The following SLC22A11 variants were observed in gnomAD, a reference collection of about 807,000 sequenced individuals.
The protein encoded by SLC22A11 is solute carrier family 22 member 11.
Under a neutral mutation model 49.4 loss-of-function variants are expected in SLC22A11, and 42 were observed. The ratio of observed to expected loss-of-function variants is 0.85; its 90% confidence interval spans 0.66 to 1.10. SLC22A11 has a LOEUF of 1.10. SLC22A11 is among the 50% of genes least tolerant of loss of function. The pLI, the probability that SLC22A11 is intolerant of heterozygous loss-of-function variation, is 0.00. For missense variants in SLC22A11, 685 were observed against 731.6 expected (o/e 0.94, Z 0.74); for synonymous variants, 304 against 315.8 (o/e 0.96, Z 0.40).
rs200367926 is a variant in SLC22A11, at chr11:64,556,224, G to A, written c.225G>A (p.Pro75=). The A allele has an allele frequency of 9.9e-6, 16 of 1,613,926 alleles. No individual in the cohort carries two copies. The highest frequency in any genetic ancestry group is 1.6e-4 in the Middle Eastern group (1 of 6,062). ...TPKALLTISI[P]PGPNQGPHQC... is the part of the protein sequence containing the mutation. ...AGGCCCTTCTGACCATCTCCATCCCGCCAGGCCCCAACCAGGGGCCCCACC... is the reference window on the plus strand; with the variant it reads ...AGGCCCTTCTGACCATCTCCATCCCACCAGGCCCCAACCAGGGGCCCCACC... Residue 75 remains proline (P), a synonymous_variant, in exon 1 of 10, where the codon CCG becomes CCA. Coordinates refer to ENST00000301891, the MANE Select transcript of SLC22A11 (RefSeq NM_018484.4).
intron 9 of SLC22A11, among the ~76,000 whole-genome samples, chr11:64,570,646 C>A (rs1442817158): frequency 6.6e-6 from 1 of 152,108 alleles, no homozygotes; most frequent in African/African-American, 2.4e-5. Context: ...TGTTTTATGT[C>A]ACCTTATTTA....
chr11:64,559,009 C>G lies in SLC22A11; in HGVS notation c.394-126C>G, dbSNP rs555962592. 3.8e-5 allele frequency: 30 copies of G among 783,054 alleles called. No individual in the cohort carries two copies. The African/African-American group carries it at 4.8e-4, about 12-fold the overall frequency. The allele number at this position is 783,054 out of a possible 1,614,324, so 48.5% of individuals were successfully genotyped here. A position where few individuals can be genotyped will look rare whatever the true frequency, so the allele number is the denominator to read the frequency against. On this transcript the variant is annotated intron_variant, in intron 1 of 9. Transcript: ENST00000301891. ...GTTGCAGCCCCATGGCCAGCAGGTC[C>G]TCTCTACCTCTGTGACCTGGCACTG...
chr11:64,556,491 C>T (rs1400121008), intron 1 of SLC22A11, 99 bp downstream of exon 1: 7 of 1,498,344 alleles, frequency 4.7e-6, no homozygotes, highest in Admixed American at 4.0e-5. Context: ...GGGAGGGACC[C>T]GCCTCCTCTC....
intron 1 of SLC22A11, among the ~76,000 whole-genome samples, chr11:64,558,584 G>A (rs1318586026): frequency 2.6e-5 from 4 of 152,194 alleles, no homozygotes; most frequent in African/African-American, 7.2e-5. Context: ...ACCAGATCAC[G>A]ACTCCGTGAC....
chr11:64,558,277 T>C (rs542418111), intron 1 of SLC22A11, among the ~76,000 whole-genome samples: 16 of 152,280 alleles, frequency 1.1e-4, no homozygotes, highest in Non-Finnish European at 2.2e-4. Context: ...GTCATCCTCA[T>C]TGGAGGGTTT....
intron 1 of SLC22A11, among the ~76,000 whole-genome samples, chr11:64,558,430 C>G (rs1316668624): frequency 6.6e-6 from 1 of 152,136 alleles, no homozygotes; most frequent in Non-Finnish European, 1.5e-5. Context: ...GTGGAGGGAG[C>G]TGCCGGGCCT....
chr11:64,567,879 G>T, intron 7 of SLC22A11, 66 bp downstream of exon 7: 1 of 1,490,644 alleles, frequency 6.7e-7, no homozygotes, highest in Non-Finnish European at 9.0e-7. Flanking sequence ...TGCTCTGAGC[G>T]TGGGGCCACA....
intron 4 of SLC22A11, among the ~76,000 whole-genome samples, chr11:64,563,280 A>G (rs1183309521): frequency 6.6e-6 from 1 of 152,130 alleles, no homozygotes; most frequent in Non-Finnish European, 1.5e-5. Context: ...CACACCTTCT[A>G]ATAAGTAAGA....
intron 2 of SLC22A11, among the ~76,000 whole-genome samples, chr11:64,560,411 T>C (rs2038527332): frequency 6.6e-6 from 1 of 152,024 alleles, no homozygotes; most frequent in Admixed American, 6.5e-5. Flanking sequence ...GGACAGTCCC[T>C]TCCTGCCTAC....
chr11:64,564,076 G>A lies in SLC22A11; in HGVS notation c.822-232G>A, dbSNP rs1309238503. Among the ~76,000 whole-genome samples the A allele has an allele frequency of 1.3e-5, 2 of 152,180 alleles. No homozygotes were observed. Among genetic ancestry groups the A allele is most frequent in the Admixed American group, 1.3e-4 (2 of 15,286 alleles). The stretch of plus-strand genomic sequence containing the variant: ...GTGGGCAGGCCCCGGGCAGCCAGGC[G>A]AGCCAGATGGAGGTGGCTCGCTTGG... On this transcript the variant is annotated intron_variant, in intron 4 of 9. Coordinates refer to ENST00000301891, the MANE Select transcript of SLC22A11 (RefSeq NM_018484.4). This position sits in a 1 kb window ranked among gnomAD's most constrained non-coding sequence, Gnocchi z 4.2.
Position 64,556,094 on chromosome 11 carries a change from C to T in SLC22A11, c.95C>T (p.Pro32Leu). 6.2e-7 allele frequency: 1 copy of T among 1,614,146 alleles called. No homozygotes were observed. Among genetic ancestry groups the T allele is most frequent in the Non-Finnish European group, 8.5e-7 (1 of 1,180,024 alleles). Residue 32 changes from proline (P) to leucine (L), a missense_variant, in exon 1 of 10, where the codon CCT (proline) becomes CTT (leucine). By Grantham distance (98) the Pro-to-Leu change is moderately conservative. Coordinates refer to ENST00000301891, the MANE Select transcript of SLC22A11 (RefSeq NM_018484.4). ...LTFILPCLMI[P>L]SQMLLENFSA... ...TTCATCCTCCCCTGCCTCATGATAC[C>T]TTCCCAGATGCTCCTGGAGAACTTC...
chr11:64,567,729 A>C lies in SLC22A11; in HGVS notation c.1189A>C (p.Ser397Arg), dbSNP rs1320373958. Residue 397 changes from serine (S) to arginine (R), a missense_variant, in exon 7 of 10, where the codon AGT becomes CGT. Physicochemically the swap from Ser to Arg is moderately radical, Grantham distance 110 (BLOSUM62 -1). Coordinates refer to ENST00000301891, the MANE Select transcript of SLC22A11 (RefSeq NM_018484.4). ...CCGGGCCACCACTGCCCTCTTGCTCAGTTTCCTTGGCCGCCGCACCATCCA... is the reference window on the plus strand; with the variant it reads ...CCGGGCCACCACTGCCCTCTTGCTCCGTTTCCTTGGCCGCCGCACCATCCA... ...LGRATTALLLSFLGRRTIQAG... is the reference protein window; with the variant it reads ...LGRATTALLLRFLGRRTIQAG... The C allele has an allele frequency of 1.2e-6, 2 of 1,613,482 alleles. No homozygotes were observed. Among genetic ancestry groups the C allele is most frequent in the Non-Finnish European group, 8.5e-7 (1 of 1,179,936 alleles).
At chr11:64,556,467 C>T in intron 1 of SLC22A11, 75 bp downstream of exon 1, 6 of 1,556,724 alleles carry the variant, frequency 3.9e-6, no homozygotes, top group Non-Finnish European at 4.3e-6. Flanking sequence ...GGTTGGACTC[C>T]AAGGTCCAGT....
chr11:64,567,448 AG>A (rs2038640691), intron 6 of SLC22A11, 150 bp from the exon 7 acceptor site: 1 of 721,686 alleles, frequency 1.4e-6, no homozygotes, highest in Non-Finnish European at 2.4e-6. Context: ...TGAGTTTGGC[AG>A]GCTTCTGGGA....
Position 64,571,120 on chromosome 11 carries a change from G to A in SLC22A11, c.*78G>A. 1 of 1,502,024 alleles carries A rather than the reference G, an allele frequency of 6.7e-7. No homozygotes were observed. Among genetic ancestry groups the A allele is most frequent in the Admixed American group, 1.7e-5 (1 of 58,926 alleles). The allele number at this position is 1,502,024 out of a possible 1,614,324, so 93.0% of individuals were successfully genotyped here. On this transcript the variant is annotated 3_prime_UTR_variant, in exon 10 of 10. Coordinates refer to ENST00000301891, the MANE Select transcript of SLC22A11 (RefSeq NM_018484.4). ...CCTCTTCTCCAATCAGAGCGTGGAG[G>A]CGAGTTGGGCGACTTCAAGGGCCTG...
chr11:64,561,963 G>T, intron 2 of SLC22A11, 41 bp from the exon 3 acceptor site: 1 of 1,576,192 alleles, frequency 6.3e-7, no homozygotes, highest in South Asian at 1.2e-5. Flanking sequence ...ACGTCCTCAG[G>T]GGCCCCTCTC....
intron 9 of SLC22A11, among the ~76,000 whole-genome samples, 158 bp downstream of exon 9, chr11:64,570,016 A>C (rs1181691778): frequency 6.6e-6 from 1 of 152,234 alleles, no homozygotes; most frequent in Non-Finnish European, 1.5e-5. Context: ...ATGTATTATT[A>C]CTATCCCCAT....
rs946785050 is a variant in SLC22A11, at chr11:64,562,094, C to G, written c.588C>G (p.Tyr196Ter). The G allele has an allele frequency of 1.2e-6, 2 of 1,613,830 alleles. No homozygotes were observed. Among genetic ancestry groups the G allele is most frequent in the Non-Finnish European group, 1.7e-6 (2 of 1,180,044 alleles). Residue 196 changes from tyrosine (Y) to a stop codon, truncating the protein, a stop_gained, in exon 3 of 10, where the codon TAC becomes TAG. Coordinates refer to ENST00000301891, the MANE Select transcript of SLC22A11 (RefSeq NM_018484.4). LOFTEE classifies it high-confidence loss of function. This position sits in a 1 kb window ranked among gnomAD's most constrained non-coding sequence, Gnocchi z 4.4. ...STIFAPTFVIYCGLRFVAAFG... is the reference protein window; with the variant it reads ...STIFAPTFVI ...TCTTCGCCCCAACATTCGTCATCTA[C>G]TGCGGCCTGCGGTTCGTGGCCGCTT...
intron 6 of SLC22A11, 21 bp from the exon 7 acceptor site, chr11:64,567,578 G>T: frequency 6.2e-7 from 1 of 1,611,186 alleles, no homozygotes; most frequent in South Asian, 1.1e-5. Flanking sequence ...GCAGGGACCT[G>T]ACTTCCAGCC....
Sources: allele counts gnomAD v4.1 joint callset (sites outside exome capture counted in the v4.1 genomes callset), GRCh38; gene constraint gnomAD v4.1.1; non-coding constraint Gnocchi (gnomAD v3.1); transcripts MANE v1.5; gene names NCBI Gene and HGNC (gene_info 2026-07-23, HGNC 2026-07-21).